GAN: variants seen among roughly 807,000 people sequenced by gnomAD.
GAN encodes the protein epididymis secretory sperm binding protein.
Under a neutral mutation model 71.3 loss-of-function variants are expected in GAN, and 48 were observed. The observed-to-expected ratio is 0.67, with a 90% CI of 0.53 to 0.86. GAN has a LOEUF of 0.86. Ranked by LOEUF, GAN falls within the 40% of genes least tolerant of loss-of-function variation. The probability of loss-of-function intolerance (pLI) is 0.00; values close to 1 mark genes in which losing one functional copy is unlikely to be tolerated. For synonymous variants in GAN, 386 were observed against 276.8 expected (o/e 1.39, Z -3.92); for missense variants, 928 against 770.1 (o/e 1.21, Z -2.43).
intron 1 of GAN, among the ~76,000 whole-genome samples, chr16:81,321,426 T>C (rs911994089): frequency 6.6e-6 from 1 of 152,248 alleles, no homozygotes; most frequent in African/African-American, 2.4e-5. Flanking sequence ...TCTCCTGTGA[T>C]GTCTCCTTCA....
chr16:81,354,513 G>A lies in GAN; in HGVS notation c.391G>A (p.Ala131Thr). The A allele has an allele frequency of 6.2e-7, 1 of 1,614,000 alleles. No individual in the cohort carries two copies. Among genetic ancestry groups the A allele is most frequent in the South Asian group, 1.1e-5 (1 of 91,076 alleles). Residue 131 changes from alanine (A) to threonine (T), a missense_variant, in exon 3 of 11, where the codon GCT (alanine) becomes ACT (threonine). Ala to Thr is a moderately conservative substitution (Grantham distance 58). Transcript: ENST00000648994. ...TGAGTTTTTGGAAGGCTGCATTGCT[G>A]CTGAGAACTGTATTGGTATCCGTGA... Reference protein sequence around the residue: ...CCEFLEGCIAAENCIGIRDFA... With the variant: ...CCEFLEGCIATENCIGIRDFA...
At chr16:81,364,950 C>T (rs902203235) in intron 7 of GAN, 24 bp from the exon 8 acceptor site, 6 of 1,612,754 alleles carry the variant, frequency 3.7e-6, no homozygotes, top group Non-Finnish European at 5.1e-6. Context: ...TTGCCTCTCC[C>T]CCACCATTGT....
At chr16:81,323,262 T>A (rs1909276979) in intron 1 of GAN, among the ~76,000 whole-genome samples, 1 of 152,162 alleles carries the variant, frequency 6.6e-6, no homozygotes, top group South Asian at 2.1e-4. Flanking sequence ...ACAGCTACTG[T>A]CTTGTGCGAC....
chr16:81,318,286 A>G (rs1334019873), intron 1 of GAN, among the ~76,000 whole-genome samples: 1 of 152,222 alleles, frequency 6.6e-6, no homozygotes, highest in African/African-American at 2.4e-5. Flanking sequence ...CTGAAGTTTT[A>G]TAAAATTCTG....
At chr16:81,358,333 G>A (rs1217692966) in intron 5 of GAN, among the ~76,000 whole-genome samples, 2 of 152,138 alleles carry the variant, frequency 1.3e-5, no homozygotes, top group African/African-American at 2.4e-5. Context: ...TGTTATATAA[G>A]GCCGAGTGTG....
At chr16:81,359,927 G>C (rs1376011343) in intron 5 of GAN, among the ~76,000 whole-genome samples, 1 of 152,214 alleles carries the variant, frequency 6.6e-6, no homozygotes, top group Non-Finnish European at 1.5e-5. Flanking sequence ...TCGGACTGCA[G>C]TTGACCATGG....
chr16:81,351,963 T>G (rs762331159), intron 2 of GAN, among the ~76,000 whole-genome samples: 1 of 152,174 alleles, frequency 6.6e-6, no homozygotes, highest in South Asian at 2.1e-4. Context: ...TCATATGAGA[T>G]ATTAAAGAAC....
chr16:81,375,587 A>C (rs1904277633), intron 9 of GAN, among the ~76,000 whole-genome samples: 1 of 151,986 alleles, frequency 6.6e-6, no homozygotes, highest in Admixed American at 6.5e-5. Context: ...CAACCTCCCA[A>C]AGTATTGGGA....
At chr16:81,317,865 ATTT>A (rs556655695) in intron 1 of GAN, among the ~76,000 whole-genome samples, 3 of 147,746 alleles carry the variant, frequency 2.0e-5, no homozygotes, top group African/African-American at 7.4e-5. Flanking sequence ...GAGAAGGCAG[ATTT>A]TTTTTTTTTA....
At position 81,354,620 on chromosome 16, in the gene GAN, C is replaced by G; in HGVS notation, c.498C>G (p.Ser166Arg). The part of the protein sequence containing the change: ...YLETHFRDVS[S>R]TEEFLELSPQ... ...AGACTCATTTCCGAGACGTCAGCAGCACGGAAGAATTCTTAGAGCTGAGTC... is the reference window on the plus strand; with the variant it reads ...AGACTCATTTCCGAGACGTCAGCAGGACGGAAGAATTCTTAGAGCTGAGTC... Residue 166 changes from serine (S) to arginine (R), a missense_variant, in exon 3 of 11, where the codon AGC (serine) becomes AGG (arginine). Ser to Arg is a moderately radical substitution (Grantham distance 110). Transcript: ENST00000648994. 6.2e-7 allele frequency: 1 copy of G among 1,613,738 alleles called. No individual in the cohort carries two copies.
At position 81,386,798 on chromosome 16, in the gene GAN, T is replaced by G. The variant is rs1567504535; in HGVS notation, c.*9202T>G. ...CCCGTCTCTATTAAAAATACAAAAT[T>G]AGCCGGGCATGGTGGCACATGTCTG... On this transcript the variant is annotated 3_prime_UTR_variant, in exon 11 of 11. Coordinates refer to ENST00000648994, the MANE Select transcript of GAN (RefSeq NM_022041.4). 1 of 152,110 alleles carries G rather than the reference T, an allele frequency of 6.6e-6. No individual in the cohort carries two copies. The highest frequency in any genetic ancestry group is 2.4e-5 in the African/African-American group (1 of 41,390). 9.4% of individuals were successfully genotyped at this position (152,110 alleles called of 1,614,324 possible).
intron 9 of GAN, among the ~76,000 whole-genome samples, chr16:81,373,168 A>G (rs11640936): frequency 0.65 from 98,801 of 152,148 alleles, 32,246 homozygotes; most frequent in East Asian, 0.75. Flanking sequence ...ATAATTGTAC[A>G]TTTCTCTTTG....
At chr16:81,334,236 G>C (rs1330876971) in intron 1 of GAN, among the ~76,000 whole-genome samples, 1 of 152,170 alleles carries the variant, frequency 6.6e-6, no homozygotes, top group Non-Finnish European at 1.5e-5. Context: ...GGTTTCTGTG[G>C]ATCTGCCTGT....
intron 9 of GAN, among the ~76,000 whole-genome samples, chr16:81,376,601 A>G (rs143171692): frequency 8.6e-5 from 13 of 150,408 alleles, no homozygotes; most frequent in African/African-American, 2.9e-4. Context: ...ATAAGTATAT[A>G]TTATATGTAT....
At chr16:81,338,215 T>C (rs1909829071) in intron 1 of GAN, among the ~76,000 whole-genome samples, 1 of 152,206 alleles carries the variant, frequency 6.6e-6, no homozygotes, top group Non-Finnish European at 1.5e-5. Context: ...GTTATAAAAT[T>C]GTCAAGGTGA....
chr16:81,386,334 T>G lies in GAN; in HGVS notation c.*8738T>G, dbSNP rs1211914268. 6.6e-6 allele frequency: 1 copy of G among 152,256 alleles called. No individual in the cohort carries two copies. The highest frequency in any genetic ancestry group is 2.4e-5 in the African/African-American group (1 of 41,466). The allele number at this position is 152,256 out of a possible 1,614,324, so 9.4% of individuals were successfully genotyped here. A position where few individuals can be genotyped will look rare whatever the true frequency, so the allele number is the denominator to read the frequency against. On this transcript the variant is annotated 3_prime_UTR_variant, in exon 11 of 11. Transcript: ENST00000648994. ...TTCCTAGATCTCTGTTTTAGACCAGTAGACCTAACTGTGCTTTCTTAACTT... is the reference window on the plus strand; with the variant it reads ...TTCCTAGATCTCTGTTTTAGACCAGGAGACCTAACTGTGCTTTCTTAACTT...
chr16:81,351,059 A>G (rs1191504895), intron 1 of GAN, among the ~76,000 whole-genome samples: 2 of 152,390 alleles, frequency 1.3e-5, no homozygotes, highest in South Asian at 2.1e-4. Flanking sequence ...AAAATTTAAA[A>G]TATATATTTC....
chr16:81,367,572 G>T (rs891055687), intron 9 of GAN, among the ~76,000 whole-genome samples: 1 of 152,104 alleles, frequency 6.6e-6, no homozygotes, highest in East Asian at 1.9e-4. Context: ...TGTATATTCA[G>T]TTCCTTATTT....
intron 1 of GAN, among the ~76,000 whole-genome samples, chr16:81,319,331 G>T (rs981758999): frequency 6.6e-6 from 1 of 151,408 alleles, no homozygotes; most frequent in Non-Finnish European, 1.5e-5. Context: ...AGCTCCCTGC[G>T]GCTTGCAGGA....
Sources: allele counts gnomAD v4.1 joint callset (sites outside exome capture counted in the v4.1 genomes callset), GRCh38; gene constraint gnomAD v4.1.1; transcripts MANE v1.5; gene names NCBI Gene and HGNC (gene_info 2026-07-23, HGNC 2026-07-21).